The following TRAK1 variants were observed in gnomAD, a reference collection of about 807,000 sequenced individuals.
TRAK1 encodes the protein trafficking kinesin-binding protein 1.
A neutral mutation model predicts 92.1 loss-of-function variants in TRAK1; 33 were observed. That is an observed-to-expected ratio of 0.36 (90% CI 0.27 to 0.48). TRAK1 has a LOEUF of 0.48. Among genes scored for constraint, TRAK1 ranks in the 20% least tolerant of loss-of-function variants. The probability of loss-of-function intolerance (pLI) is 0.99; values close to 1 mark genes in which losing one functional copy is unlikely to be tolerated. For synonymous variants in TRAK1, 521 were observed against 517.3 expected (o/e 1.01, Z -0.10); for missense variants, 1,123 against 1,257.9 (o/e 0.89, Z 1.62).
At chr3:42,158,787 C>CAAAAAA (rs149521969) in intron 2 of TRAK1, among the ~76,000 whole-genome samples, 3 of 69,546 alleles carry the variant, frequency 4.3e-5, no homozygotes, top group Non-Finnish European at 9.1e-5. Flanking sequence ...ACAAAAAATA[C>CAAAAAA]AAAAAAAAAA....
upstream of TRAK1, among the ~76,000 whole-genome samples, chr3:42,083,731 C>T (rs574043319): frequency 3.1e-4 from 47 of 151,972 alleles, no homozygotes; most frequent in African/African-American, 6.5e-4. Flanking sequence ...AAAAATTAGC[C>T]GGGTATGGTG....
intron 1 of TRAK1, among the ~76,000 whole-genome samples, chr3:42,063,247 A>T (rs1177473793): frequency 1.3e-5 from 2 of 152,262 alleles, no homozygotes; most frequent in African/African-American, 4.8e-5. Flanking sequence ...GGCCTGAAAT[A>T]GTTATTATTT....
At chr3:42,109,153 G>T (rs1166029987) in intron 1 of TRAK1, among the ~76,000 whole-genome samples, 1 of 152,108 alleles carries the variant, frequency 6.6e-6, no homozygotes, top group African/African-American at 2.4e-5. Flanking sequence ...ATGTCAAACG[G>T]GGATAAATGT....
At chr3:42,049,539 C>T (rs1250950369) in intron 1 of TRAK1, among the ~76,000 whole-genome samples, 3 of 151,896 alleles carry the variant, frequency 2.0e-5, no homozygotes, top group Non-Finnish European at 4.4e-5. Context: ...AGGAAGGTTT[C>T]TTGTATCATT....
intron 1 of TRAK1, among the ~76,000 whole-genome samples, chr3:42,063,154 A>T (rs1431092795): frequency 6.6e-6 from 1 of 152,276 alleles, no homozygotes; most frequent in African/African-American, 2.4e-5. Flanking sequence ...ATTGGAATAC[A>T]GCCACACCCA....
chr3:42,186,656 G>T (rs1704899858), intron 4 of TRAK1, among the ~76,000 whole-genome samples: 1 of 152,140 alleles, frequency 6.6e-6, no homozygotes, highest in African/African-American at 2.4e-5. Context: ...ACTCACAAAT[G>T]GTCACCCGTC....
At chr3:42,016,967 T>C (rs972497999) in intron 1 of TRAK1, among the ~76,000 whole-genome samples, 3 of 152,074 alleles carry the variant, frequency 2.0e-5, no homozygotes, top group African/African-American at 7.2e-5. Context: ...GTTTTGAAAA[T>C]GGACTCTGAC....
At chr3:42,193,766 A>G (rs1559909067) in intron 8 of TRAK1, 58 bp from the exon 9 acceptor site, 3 of 1,573,672 alleles carry the variant, frequency 1.9e-6, no homozygotes, top group African/African-American at 1.3e-5. Flanking sequence ...AATAAGAGGG[A>G]AAAAGTTGGA....
At chr3:42,156,414 C>A (rs1206146230) in intron 2 of TRAK1, among the ~76,000 whole-genome samples, 1 of 152,172 alleles carries the variant, frequency 6.6e-6, no homozygotes, top group African/African-American at 2.4e-5. Flanking sequence ...TAGGGTGGTC[C>A]TGTGTTCAAA....
intron 1 of TRAK1, among the ~76,000 whole-genome samples, chr3:42,094,640 G>A (rs1705633100): frequency 6.6e-6 from 1 of 152,052 alleles, no homozygotes; most frequent in Admixed American, 6.5e-5. Context: ...CCAAAGTGTT[G>A]GAATTATAGG....
intron 1 of TRAK1, among the ~76,000 whole-genome samples, chr3:42,036,081 C>T (rs1702316391): frequency 2.0e-5 from 3 of 152,302 alleles, no homozygotes; most frequent in South Asian, 2.1e-4. Context: ...TTTTGGTCTG[C>T]GGCCCCTTGA....
In TRAK1 at chr3:42,219,662, G is replaced by A; in HGVS notation, c.2066+66G>A. 2.5e-6 allele frequency: 4 copies of A among 1,584,096 alleles called. No homozygotes were observed. The Admixed American group carries it at 5.0e-5, about 20-fold the overall frequency. ...AGTCAGGGCACTCCCTTCCCTGCAAGGCTTAATGTTGAGGAAAGCCAAGTA... is the reference window on the plus strand; with the variant it reads ...AGTCAGGGCACTCCCTTCCCTGCAAAGCTTAATGTTGAGGAAAGCCAAGTA... On this transcript the variant is annotated intron_variant, in intron 15 of 15. Coordinates refer to ENST00000327628, the MANE Select transcript of TRAK1 (RefSeq NM_001042646.3).
At chr3:42,136,324 A>G (rs1239540734) in intron 2 of TRAK1, among the ~76,000 whole-genome samples, 1 of 152,128 alleles carries the variant, frequency 6.6e-6, no homozygotes, top group African/African-American at 2.4e-5. Flanking sequence ...TGATCTTTAA[A>G]AGAAGTTAGA....
At chr3:42,065,379 G>A (rs998681211) in intron 1 of TRAK1, among the ~76,000 whole-genome samples, 1 of 152,044 alleles carries the variant, frequency 6.6e-6, no homozygotes, top group Non-Finnish European at 1.5e-5. Context: ...TTATACTTGC[G>A]GATTGAACAT....
At chr3:42,175,594 C>T (rs145733349) in intron 2 of TRAK1, among the ~76,000 whole-genome samples, 8 of 152,268 alleles carry the variant, frequency 5.3e-5, no homozygotes, top group Non-Finnish European at 1.0e-4. Context: ...AACCAGATTT[C>T]AGGTCTCCTC....
chr3:42,063,297 C>A (rs183817543), intron 1 of TRAK1, among the ~76,000 whole-genome samples: 1 of 152,386 alleles, frequency 6.6e-6, no homozygotes, highest in Non-Finnish European at 1.5e-5. Flanking sequence ...CTGCCCTAAG[C>A]CATTGCTGAA....
chr3:42,067,594 ATT>A (rs535838089), intron 1 of TRAK1, among the ~76,000 whole-genome samples: 1 of 145,806 alleles, frequency 6.9e-6, no homozygotes, highest in Non-Finnish European at 1.5e-5. Context: ...CTTAGATGAG[ATT>A]TTTTTTTTTT....
At chr3:42,108,464 G>T (rs144213758) in intron 1 of TRAK1, among the ~76,000 whole-genome samples, 2 of 147,934 alleles carry the variant, frequency 1.4e-5, no homozygotes, top group African/African-American at 5.0e-5. Context: ...GCACTCCAGC[G>T]TGGGTGACAG....
At chr3:42,015,145 C>G (rs1414046798) in intron 1 of TRAK1, among the ~76,000 whole-genome samples, 2 of 152,140 alleles carry the variant, frequency 1.3e-5, no homozygotes, top group African/African-American at 2.4e-5. Context: ...CCTGGAGTGA[C>G]AGATGGCGCC....
Sources: gnomAD v4.1 joint callset for allele counts (sites outside exome capture counted in the v4.1 genomes callset) on GRCh38, gnomAD v4.1.1 for gene constraint, MANE v1.5 for transcripts, NCBI Gene and HGNC (gene_info 2026-07-23, HGNC 2026-07-21) for gene names.